The following CDH23 variants were observed in gnomAD, a reference collection of about 807,000 sequenced individuals.
CDH23 encodes cadherin related 23, also known as cadherin-23.
A neutral mutation model predicts 317.1 loss-of-function variants in CDH23; 189 were observed. That is an observed-to-expected ratio of 0.60 (90% confidence interval 0.53 to 0.67). The LOEUF is 0.67. Ranked by LOEUF, CDH23 falls within the 30% of genes least tolerant of loss-of-function variation. The pLI is 0.00. For missense variants in CDH23, 4,401 were observed against 4,592.4 expected, an observed-to-expected ratio of 0.96 and a Z score of 1.20; for synonymous variants, 1,839 against 1,876.8, an observed-to-expected ratio of 0.98 and a Z score of 0.52.
At chr10:71,518,029 G>A (rs561957285) in intron 6 of CDH23, among the ~76,000 whole-genome samples, 2 of 152,254 alleles carry the variant, frequency 1.3e-5, no homozygotes, top group East Asian at 3.9e-4. Flanking sequence ...TGTGGGCAGA[G>A]CAGCAGGGCT....
At chr10:71,703,494 G>C (rs1865668134) in intron 24 of CDH23, among the ~76,000 whole-genome samples, 1 of 152,238 alleles carries the variant, frequency 6.6e-6, no homozygotes, top group Non-Finnish European at 1.5e-5. Flanking sequence ...GACTCAATCA[G>C]ACACACGTAT....
intron 7 of CDH23, 119 bp from the exon 8 acceptor site, chr10:71,570,671 T>C (rs1000325956): frequency 1.4e-5 from 16 of 1,104,478 alleles, no homozygotes; most frequent in Non-Finnish European, 1.7e-5. Context: ...TGTGTGTGCG[T>C]GTGCATGTGT....
chr10:71,690,290 G>T (rs555376082), intron 19 of CDH23, among the ~76,000 whole-genome samples, 178 bp from the exon 20 acceptor site: 1 of 152,124 alleles, frequency 6.6e-6, no homozygotes, highest in Non-Finnish European at 1.5e-5. Context: ...CGATTGAGCC[G>T]CCCTTGTCCC....
intron 1 of CDH23, among the ~76,000 whole-genome samples, chr10:71,403,493 CCTTCCTTCCTTCCTTT>C (rs1564558751): frequency 2.0e-4 from 24 of 120,430 alleles, no homozygotes; most frequent in African/African-American, 8.8e-4. Context: ...TTCCTTCCTT[CCTTCCTTCCTTCCTTT>C]CTTTCCTTCT....
chr10:71,799,058 G>T, intron 50 of CDH23, 53 bp from the exon 51 acceptor site: 2 of 1,531,712 alleles, frequency 1.3e-6, no homozygotes, highest in Non-Finnish European at 1.8e-6. Context: ...ACTTTGGAGA[G>T]CTGCCATGAA....
chr10:71,569,301 G>A (rs1428408932), intron 7 of CDH23, among the ~76,000 whole-genome samples: 1 of 152,148 alleles, frequency 6.6e-6, no homozygotes, highest in Non-Finnish European at 1.5e-5. Context: ...CCTTCTCCTA[G>A]GCACAGCAGC....
At chr10:71,519,788 C>CTT (rs71018213) in intron 6 of CDH23, among the ~76,000 whole-genome samples, 22 of 144,668 alleles carry the variant, frequency 1.5e-4, no homozygotes, top group African/African-American at 4.5e-4. Context: ...TTTCTTTTTT[C>CTT]TTTTTTTTTT....
intron 10 of CDH23, among the ~76,000 whole-genome samples, chr10:71,616,507 C>T (rs1007074560): frequency 5.9e-5 from 9 of 152,244 alleles, no homozygotes; most frequent in Admixed American, 2.0e-4. Context: ...CTGGTCCCAG[C>T]ACCCCACTGC....
At chr10:71,729,135 T>TC (rs551287429) in intron 30 of CDH23, among the ~76,000 whole-genome samples, 170 of 152,288 alleles carry the variant, frequency 1.1e-3, no homozygotes, top group African/African-American at 3.8e-3. Flanking sequence ...ATGCCTGGCC[T>TC]CCATAAACAC....
intron 41 of CDH23, 149 bp downstream of exon 41, chr10:71,779,596 T>C (rs12218695): frequency 3.3e-6 from 2 of 601,666 alleles, no homozygotes; most frequent in South Asian, 5.5e-5. Context: ...ATGACAATGA[T>C]GGAAATAATC....
intron 1 of CDH23, among the ~76,000 whole-genome samples, chr10:71,427,043 C>T (rs1034542385): frequency 1.3e-5 from 2 of 150,524 alleles, no homozygotes; most frequent in Non-Finnish European, 3.0e-5. Flanking sequence ...CCCAGCTACT[C>T]GGAAGGCTGA....
At chr10:71,682,378 G>A in intron 17 of CDH23, 67 bp from the exon 18 acceptor site, 2 of 1,578,914 alleles carry the variant, frequency 1.3e-6, no homozygotes, top group South Asian at 1.1e-5. Context: ...GCCCAAAGGG[G>A]ACCCCTGTCT....
chr10:71,414,047 TTGTGTGTGTG>T (rs34017042), intron 1 of CDH23, among the ~76,000 whole-genome samples: 86 of 142,992 alleles, frequency 6.0e-4, no homozygotes, highest in South Asian at 1.1e-3. Context: ...CTCCTGGGTT[TTGTGTGTGTG>T]TGTGTGTGTG....
intron 1 of CDH23, among the ~76,000 whole-genome samples, chr10:71,399,370 C>T (rs1051702720): frequency 2.6e-5 from 4 of 152,174 alleles, no homozygotes; most frequent in African/African-American, 9.7e-5. Context: ...TCCACAGTGC[C>T]TTCTCTAAGA....
chr10:71,784,680 C>T (rs77482544), intron 42 of CDH23, among the ~76,000 whole-genome samples: 3 of 152,348 alleles, frequency 2.0e-5, no homozygotes, highest in Admixed American at 1.3e-4. Flanking sequence ...CTGCCTCTGC[C>T]TTTCCTGCTT....
intron 14 of CDH23, among the ~76,000 whole-genome samples, chr10:71,665,436 T>G (rs927202802): frequency 2.6e-5 from 4 of 152,220 alleles, no homozygotes; most frequent in Non-Finnish European, 5.9e-5. Flanking sequence ...GCAAGTGCTT[T>G]GCAAATGTAG....
chr10:71,697,258 T>C (rs10999957), intron 22 of CDH23, among the ~76,000 whole-genome samples: 93,744 of 152,058 alleles, frequency 0.62, 29,413 homozygotes, highest in Non-Finnish European at 0.7. Flanking sequence ...TGAGCAGGCA[T>C]GGACAATGGA....
intron 6 of CDH23, among the ~76,000 whole-genome samples, chr10:71,529,973 A>T (rs1050665857): frequency 8.6e-5 from 13 of 151,266 alleles, no homozygotes; most frequent in Non-Finnish European, 1.6e-4. Flanking sequence ...TCTGAGGTCC[A>T]CTTGTAACTC....
At chr10:71,451,967 G>C (rs571272655) in intron 3 of CDH23, among the ~76,000 whole-genome samples, 4 of 152,240 alleles carry the variant, frequency 2.6e-5, no homozygotes, top group Non-Finnish European at 5.9e-5. Flanking sequence ...TCGGGAGCGA[G>C]GTGTTGGTGG....
Sources: allele counts gnomAD v4.1 joint callset (sites outside exome capture counted in the v4.1 genomes callset), GRCh38; gene constraint gnomAD v4.1.1; transcripts MANE v1.5; gene names NCBI Gene and HGNC (gene_info 2026-07-23, HGNC 2026-07-21).